Variants in TET2 observed in about 807,000 individuals in gnomAD.
The protein encoded by TET2 is methylcytosine dioxygenase TET2.
TET2 carries 299 observed loss-of-function variants against 142.9 expected under a neutral mutation model. The observed-to-expected ratio is 2.09, with a 90% CI of 1.90 to 2.30. TET2 has a LOEUF of 2.30. Ranked by LOEUF, TET2 falls within the 30% of genes most tolerant of loss-of-function variation. The pLI, the probability that TET2 is intolerant of heterozygous loss-of-function variation, is 0.00. For synonymous variants in TET2, 819 were observed against 849.0 expected, an observed-to-expected ratio of 0.96 and a Z score of 0.61; for missense variants, 2,418 against 2,378.0, an observed-to-expected ratio of 1.02 and a Z score of -0.35.
chr4:105,202,928 C>T lies in TET2; in HGVS notation c.-47+12423C>T, dbSNP rs187122736. Reference sequence around the variant, plus strand: ...CAGGAAATATAAACATTTCCTGGAACAGGGCAGAGTATGAGTAATAAGGTA... The same window carrying T: ...CAGGAAATATAAACATTTCCTGGAATAGGGCAGAGTATGAGTAATAAGGTA... On this transcript the variant is annotated intron_variant, in intron 2 of 10. Transcript: ENST00000380013. 3.8e-3 allele frequency among the ~76,000 whole-genome samples: 581 copies of T among 152,274 alleles called. 2 individuals are homozygous for T. The highest frequency in any genetic ancestry group is 0.013 in the African/African-American group (554 of 41,556).
chr4:105,231,939 C>G (rs1337377254), intron 2 of TET2, among the ~76,000 whole-genome samples: 1 of 152,138 alleles, frequency 6.6e-6, no homozygotes, highest in Non-Finnish European at 1.5e-5. Flanking sequence ...AGGTGAATTG[C>G]ATGCCTTGGG....
At chr4:105,262,484 ACAT>A (rs2110289798) in intron 8 of TET2, among the ~76,000 whole-genome samples, 1 of 152,300 alleles carries the variant, frequency 6.6e-6, no homozygotes, top group African/African-American at 2.4e-5. Context: ...TGTTTCAGTA[ACAT>A]CAACAACAAA....
rs1731233698 is a variant in TET2 at position 105,276,542 on chromosome 4, C to T, written c.*23C>T. Reference sequence around the variant, plus strand: ...TGATATCACCCCCTTTTGTTGGTTACCTCACTTGAAAAGACCACAACCAAC... The same window carrying T: ...TGATATCACCCCCTTTTGTTGGTTATCTCACTTGAAAAGACCACAACCAAC... On this transcript the variant is annotated 3_prime_UTR_variant, in exon 11 of 11. Coordinates refer to ENST00000380013, the MANE Select transcript of TET2 (RefSeq NM_001127208.3). 2 of 1,537,938 alleles carry T rather than the reference C, an allele frequency of 1.3e-6. No homozygotes were observed. The highest frequency in any genetic ancestry group is 1.8e-6 in the Non-Finnish European group (2 of 1,139,158).
At position 105,220,758 on chromosome 4, in the gene TET2, T is replaced by C. The variant is rs77347922; in HGVS notation, c.-46-13139T>C. Among the ~76,000 whole-genome samples, 719 of 152,284 alleles carry C rather than the reference T, an allele frequency of 4.7e-3. 14 individuals are homozygous for C. In the East Asian group the frequency reaches 0.048, roughly 10 times the overall value. On this transcript the variant is annotated intron_variant, in intron 2 of 10. Coordinates refer to ENST00000380013, the MANE Select transcript of TET2 (RefSeq NM_001127208.3). ...ATATGGAGCGTTCTTTAGAGAGGCCTACAAGGGCTCTCACTGCACAGTACC... is the reference window on the plus strand; with the variant it reads ...ATATGGAGCGTTCTTTAGAGAGGCCCACAAGGGCTCTCACTGCACAGTACC...
At chr4:105,175,195 C>T (rs1578561173) in intron 1 of TET2, among the ~76,000 whole-genome samples, 2 of 152,106 alleles carry the variant, frequency 1.3e-5, no homozygotes, top group African/African-American at 4.8e-5. Context: ...ATAAGGCATG[C>T]TAAAAGGCAG....
intron 2 of TET2, among the ~76,000 whole-genome samples, chr4:105,210,517 T>C (rs1458717033): frequency 6.6e-6 from 1 of 152,178 alleles, no homozygotes; most frequent in Non-Finnish European, 1.5e-5. Flanking sequence ...TCCTGACTTG[T>C]ACACTCAACT....
intron 6 of TET2, among the ~76,000 whole-genome samples, chr4:105,247,738 T>C (rs1474787202): frequency 2.1e-5 from 3 of 145,320 alleles, no homozygotes; most frequent in South Asian, 2.2e-4. Flanking sequence ...TTTTTTTTTT[T>C]TGAGACAGGC....
At chr4:105,205,513 C>A (rs1471719005) in intron 2 of TET2, among the ~76,000 whole-genome samples, 2 of 152,106 alleles carry the variant, frequency 1.3e-5, no homozygotes, top group African/African-American at 4.8e-5. Context: ...GAAGTCCCCC[C>A]CAACCCAATA....
At chr4:105,164,080 A>G (rs948686445) in intron 1 of TET2, among the ~76,000 whole-genome samples, 1 of 152,196 alleles carries the variant, frequency 6.6e-6, no homozygotes, top group African/African-American at 2.4e-5. Flanking sequence ...AATGTAGTCA[A>G]GGATACCATA....
At chr4:105,243,802 C>T (rs763215167) in intron 6 of TET2, 24 bp downstream of exon 6, 5 of 1,544,630 alleles carry the variant, frequency 3.2e-6, no homozygotes, top group African/African-American at 1.4e-5. Context: ...AGGGCCTCTC[C>T]CCTCTTTGCG....
intron 8 of TET2, 96 bp from the exon 9 acceptor site, chr4:105,269,514 T>C (rs1251780929): frequency 1.5e-6 from 2 of 1,322,006 alleles, no homozygotes; most frequent in Non-Finnish European, 2.1e-6. Context: ...GTTCAAAACA[T>C]TTTTTTAAAG....
chr4:105,185,596 C>T (rs1401781878), intron 1 of TET2, among the ~76,000 whole-genome samples: 4 of 151,800 alleles, frequency 2.6e-5, no homozygotes, highest in South Asian at 2.1e-4. Flanking sequence ...CTGGCTAACA[C>T]GGTGAAATCC....
Position 105,276,916 on chromosome 4 carries a change from A to C in TET2, c.*397A>C, listed in dbSNP as rs180777811. ...AAGTTTGCATAGTCATGGAACACAA[A>C]TCAAACAAGTACTGTAGTATTACAG... is the stretch of plus-strand genomic sequence containing the variant. On this transcript the variant is annotated 3_prime_UTR_variant, in exon 11 of 11. Transcript: ENST00000380013. The C allele has an allele frequency of 1.6e-4, 38 of 239,402 alleles. No homozygotes were observed. The highest frequency in any genetic ancestry group is 7.7e-4 in the African/African-American group (34 of 44,440). The allele number at this position is 239,402 out of a possible 1,614,324, so 14.8% of individuals were successfully genotyped here. A position where few individuals can be genotyped will look rare whatever the true frequency, so the allele number is the denominator to read the frequency against.
At chr4:105,250,757 A>T (rs1033743547) in intron 6 of TET2, among the ~76,000 whole-genome samples, 6 of 152,082 alleles carry the variant, frequency 3.9e-5, no homozygotes, top group African/African-American at 1.4e-4. Flanking sequence ...CAGTGCTGCC[A>T]TCTCAGCTCA....
At chr4:105,184,339 TAA>T (rs1406625033) in intron 1 of TET2, among the ~76,000 whole-genome samples, 6 of 152,252 alleles carry the variant, frequency 3.9e-5, no homozygotes, top group Admixed American at 2.6e-4. Context: ...GTTTGGTTCT[TAA>T]ATAATCACTT....
intron 8 of TET2, among the ~76,000 whole-genome samples, chr4:105,263,535 A>G (rs1476361297): frequency 6.6e-6 from 1 of 152,174 alleles, no homozygotes; most frequent in East Asian, 1.9e-4. Context: ...AGGTAGTTCT[A>G]TTAACTAGTA....
intron 1 of TET2, among the ~76,000 whole-genome samples, chr4:105,148,059 TACACACACACAC>T (rs146633281): frequency 2.0e-5 from 3 of 147,748 alleles, no homozygotes; most frequent in African/African-American, 7.4e-5. Context: ...CTCATACACA[TACACACACACAC>T]ACACACACAC....
At chr4:105,233,651 A>G (rs1728642783) in intron 2 of TET2, among the ~76,000 whole-genome samples, 1 of 152,264 alleles carries the variant, frequency 6.6e-6, no homozygotes, top group East Asian at 1.9e-4. Context: ...ATTAGCTGGT[A>G]ATTTTGATCA....
intron 2 of TET2, among the ~76,000 whole-genome samples, chr4:105,217,700 T>C (rs59806714): frequency 0.093 from 14,106 of 152,066 alleles, 1,855 homozygotes; most frequent in African/African-American, 0.29. Flanking sequence ...GAACTTTATT[T>C]TTTCTCAGGC....
Sources: allele counts gnomAD v4.1 joint callset (sites outside exome capture counted in the v4.1 genomes callset), GRCh38; gene constraint gnomAD v4.1.1; transcripts MANE v1.5; gene names NCBI Gene and HGNC (gene_info 2026-07-23, HGNC 2026-07-21).